The following ADAM12 variants were observed in gnomAD, a reference collection of about 807,000 sequenced individuals.
The protein encoded by ADAM12 is ADAM metallopeptidase domain 12.
Under a neutral mutation model 106.4 loss-of-function variants are expected in ADAM12, and 70 were observed. The observed-to-expected ratio is 0.66, with a 90% CI of 0.54 to 0.80. ADAM12 has a LOEUF of 0.80. Among genes scored for constraint, ADAM12 ranks in the 30% least tolerant of loss-of-function variants. The probability of loss-of-function intolerance (pLI) is 0.00; values close to 1 mark genes in which losing one functional copy is unlikely to be tolerated. For missense variants in ADAM12, 1,010 were observed against 1,171.9 expected, an observed-to-expected ratio of 0.86 and a Z score of 2.02; for synonymous variants, 420 against 433.5, an observed-to-expected ratio of 0.97 and a Z score of 0.39.
chr10:126,057,477 A>C (rs1235170686), intron 14 of ADAM12, among the ~76,000 whole-genome samples: 3 of 152,128 alleles, frequency 2.0e-5, no homozygotes, highest in African/African-American at 7.2e-5. Context: ...TGTAATGAGA[A>C]ATCTCCCATG....
Position 126,049,689 on chromosome 10 carries a change from G to A in ADAM12, c.1610-20C>T. On this transcript the variant is annotated intron_variant, in intron 14 of 22. Coordinates refer to ENST00000448723, the MANE Select transcript of ADAM12 (RefSeq NM_001288973.2). This position sits in a 1 kb window ranked among gnomAD's most constrained non-coding sequence, Gnocchi z 4.4. ...TAGCACCTGAAACAGAAGCAGAACT[G>A]CATTTTCATCTCCTGCAGGTGATTT... The A allele has an allele frequency of 6.2e-7, 1 of 1,601,106 alleles. No individual in the cohort carries two copies. Among genetic ancestry groups the A allele is most frequent in the Non-Finnish European group, 8.5e-7 (1 of 1,172,734 alleles).
chr10:126,200,666 C>T (rs911609987), intron 3 of ADAM12, among the ~76,000 whole-genome samples: 10 of 152,156 alleles, frequency 6.6e-5, no homozygotes, highest in Non-Finnish European at 1.0e-4. Flanking sequence ...TCTCCAGGAA[C>T]GTTAGCTATT....
At chr10:126,212,869 C>A (rs1280438491) in intron 3 of ADAM12, among the ~76,000 whole-genome samples, 1 of 152,174 alleles carries the variant, frequency 6.6e-6, no homozygotes, top group Non-Finnish European at 1.5e-5. Context: ...TTTGTGTATT[C>A]TCTCTCATGC....
chr10:126,381,603 C>T (rs1221461815), intron 1 of ADAM12, among the ~76,000 whole-genome samples: 1 of 152,180 alleles, frequency 6.6e-6, no homozygotes, highest in Non-Finnish European at 1.5e-5. Context: ...TCAAGCGATT[C>T]TCCTGCCTCA....
rs188665966 is a variant in ADAM12 at position 126,301,534 on chromosome 10, A to G, written c.187-22546T>C. On this transcript the variant is annotated intron_variant, in intron 2 of 22. Transcript: ENST00000448723. ...GTTCTTGTTTAAAGGAAGAATAAGG[A>G]AAGAAGAACCTCCACATTTCTAGGC... is the stretch of plus-strand genomic sequence containing the variant. 4.6e-5 allele frequency among the ~76,000 whole-genome samples: 7 copies of G among 152,272 alleles called. No individual in the cohort carries two copies. In the East Asian group the frequency reaches 1.4e-3, roughly 29 times the overall value.
At chr10:126,196,839 T>C (rs115119041) in intron 3 of ADAM12, among the ~76,000 whole-genome samples, 2,589 of 150,338 alleles carry the variant, frequency 0.017, 76 homozygotes, top group African/African-American at 0.06. Flanking sequence ...TGTTGCTTCT[T>C]GTAAAATAAA....
At chr10:126,322,804 C>T (rs1057326895) in intron 2 of ADAM12, among the ~76,000 whole-genome samples, 2 of 152,212 alleles carry the variant, frequency 1.3e-5, no homozygotes, top group African/African-American at 2.4e-5. Flanking sequence ...GGTTCTTCTC[C>T]TCCCACCATG....
intron 1 of ADAM12, among the ~76,000 whole-genome samples, chr10:126,338,284 G>A (rs1224620023): frequency 3.4e-5 from 4 of 117,066 alleles, no homozygotes; most frequent in East Asian, 4.9e-4. Flanking sequence ...ACGGAGTCTC[G>A]CTCTGTCGCC....
At chr10:126,268,732 G>T (rs146119493) in intron 3 of ADAM12, among the ~76,000 whole-genome samples, 3 of 152,102 alleles carry the variant, frequency 2.0e-5, no homozygotes, top group Non-Finnish European at 4.4e-5. Context: ...TCAAGATAAC[G>T]AGTTTGAAGT....
chr10:126,382,786 G>A (rs761053525), intron 1 of ADAM12, among the ~76,000 whole-genome samples: 4 of 151,992 alleles, frequency 2.6e-5, no homozygotes, highest in Non-Finnish European at 5.9e-5. Flanking sequence ...ATGAGAAAGA[G>A]GTGAACAAAA....
intron 2 of ADAM12, among the ~76,000 whole-genome samples, chr10:126,294,812 T>C (rs964094212): frequency 6.6e-6 from 1 of 152,088 alleles, no homozygotes; most frequent in Non-Finnish European, 1.5e-5. Flanking sequence ...CTTTTATTTG[T>C]AATGATTTCA....
At chr10:126,128,549 G>A (rs1956243563) in intron 5 of ADAM12, among the ~76,000 whole-genome samples, 1 of 152,044 alleles carries the variant, frequency 6.6e-6, no homozygotes, top group Non-Finnish European at 1.5e-5. Context: ...GTACATGTGG[G>A]AATGTGTGCA....
intron 3 of ADAM12, among the ~76,000 whole-genome samples, chr10:126,208,483 A>T (rs972738468): frequency 6.6e-6 from 1 of 152,236 alleles, no homozygotes; most frequent in Non-Finnish European, 1.5e-5. Context: ...AATTGTACAC[A>T]AGCACAAATA....
At chr10:126,311,137 A>ACACACC (rs1491391781) in intron 2 of ADAM12, among the ~76,000 whole-genome samples, 9 of 145,876 alleles carry the variant, frequency 6.2e-5, no homozygotes, top group South Asian at 2.2e-4. Context: ...ACACACACAC[A>ACACACC]CCTGCACGCA....
At chr10:126,155,615 G>T (rs1674914) in intron 3 of ADAM12, among the ~76,000 whole-genome samples, 13 of 152,162 alleles carry the variant, frequency 8.5e-5, no homozygotes, top group East Asian at 1.9e-4. Flanking sequence ...CACTTGCAAA[G>T]GCACACATTT....
intron 3 of ADAM12, among the ~76,000 whole-genome samples, chr10:126,181,115 A>G (rs7095796): frequency 6.7e-6 from 1 of 148,376 alleles, no homozygotes. Flanking sequence ...TCTGTTGCCC[A>G]GGCTGGAGTG....
intron 21 of ADAM12, among the ~76,000 whole-genome samples, chr10:126,035,899 T>TCTAA (rs1954051024): frequency 6.6e-6 from 1 of 152,176 alleles, no homozygotes; most frequent in East Asian, 1.9e-4. Flanking sequence ...GCATGAGTGG[T>TCTAA]CTAACTATTC....
chr10:126,248,088 T>C (rs1310479388), intron 3 of ADAM12, among the ~76,000 whole-genome samples: 1 of 152,182 alleles, frequency 6.6e-6, no homozygotes. Context: ...ATTGCTGAAA[T>C]TACTCGGGTG....
At chr10:126,313,944 TA>T (rs1322642436) in intron 2 of ADAM12, among the ~76,000 whole-genome samples, 2 of 151,728 alleles carry the variant, frequency 1.3e-5, no homozygotes, top group Non-Finnish European at 2.9e-5. Flanking sequence ...AAGACTTCCC[TA>T]AGGAAGGGGT....
Sources: allele counts gnomAD v4.1 joint callset (sites outside exome capture counted in the v4.1 genomes callset), GRCh38; gene constraint gnomAD v4.1.1; non-coding constraint Gnocchi (gnomAD v3.1); transcripts MANE v1.5; gene names NCBI Gene and HGNC (gene_info 2026-07-23, HGNC 2026-07-21).